The following MYBPC1 variants were observed in gnomAD, a reference collection of about 807,000 sequenced individuals.
The protein encoded by MYBPC1 is myosin binding protein C1.
A neutral mutation model predicts 147.1 loss-of-function variants in MYBPC1; 52 were observed. The observed-to-expected ratio is 0.35, with a 90% CI of 0.28 to 0.45. MYBPC1 has a LOEUF of 0.45. MYBPC1 is among the 20% of genes least tolerant of loss of function. MYBPC1 has a pLI of 1.00. For synonymous variants in MYBPC1, 477 were observed against 475.9 expected, an observed-to-expected ratio of 1.00 and a Z score of -0.03; for missense variants, 1,228 against 1,440.3, an observed-to-expected ratio of 0.85 and a Z score of 2.39.
rs777769308 is a variant in MYBPC1, at chr12:101,678,126, A to T, written c.3134A>T (p.Tyr1045Phe). 21 of 1,613,840 alleles carry T rather than the reference A, an allele frequency of 1.3e-5. No homozygotes were observed. The highest frequency in any genetic ancestry group is 1.8e-5 in the Non-Finnish European group (21 of 1,179,666). ...GGTAAAATCTACAAAAATCCAGTGT[A>T]TGAAGACTTTGATTTCTCAGAGGCA... ...RDGKIYKNPV[Y>F]EDFDFSEAPM... The change falls in exon 28 of 32, where the codon TAT becomes TTT. Residue 1045 changes from tyrosine to phenylalanine, a missense_variant. Physicochemically the swap from Tyr to Phe is conservative, Grantham distance 22. This residue lies in a region of MYBPC1 where 1,077 missense variants were observed against 1,314.2 expected (regional missense o/e 0.82). Transcript: ENST00000361466.
At chr12:101,596,715 G>A (rs1877389450) in intron 1 of MYBPC1, among the ~76,000 whole-genome samples, 1 of 152,194 alleles carries the variant, frequency 6.6e-6, no homozygotes, top group South Asian at 2.1e-4. Context: ...CTTTTATGGG[G>A]AATGAAATTA....
chr12:101,649,681 A>G (rs1442771908), intron 15 of MYBPC1, among the ~76,000 whole-genome samples: 1 of 152,226 alleles, frequency 6.6e-6, no homozygotes, highest in African/African-American at 2.4e-5. Flanking sequence ...TTATAATTCC[A>G]AGACCGTAAA....
intron 10 of MYBPC1, among the ~76,000 whole-genome samples, chr12:101,637,663 T>C (rs1891268089): frequency 6.6e-6 from 1 of 152,190 alleles, no homozygotes; most frequent in Non-Finnish European, 1.5e-5. Context: ...TTTAGTGCTT[T>C]CTATGGTTAT....
At chr12:101,689,079 T>C (rs891154556), downstream of MYBPC1, among the ~76,000 whole-genome samples, 1 of 152,136 alleles carries the variant, frequency 6.6e-6, no homozygotes, top group Non-Finnish European at 1.5e-5. Flanking sequence ...AAGAGAGCAC[T>C]ATAACAATGC....
chr12:101,642,435 G>C lies in MYBPC1; in HGVS notation c.682G>C (p.Glu228Gln). ...LLKRREVKQQ[E>Q]EEPQVDVWEL... is the part of the protein sequence containing the mutation. ...CCCGGTTAGGGAGGTGAAGCAGCAG[G>C]AGGAAGAACCCCAGGTGGACGTATG... Residue 228 changes from glutamate (E) to glutamine (Q), a missense_variant, in exon 11 of 32, where the codon GAG becomes CAG. Glu to Gln is a conservative substitution (Grantham distance 29, BLOSUM62 2). This residue lies in a region of MYBPC1 where 1,077 missense variants were observed against 1,314.2 expected (regional missense o/e 0.82). Coordinates refer to ENST00000361466, the MANE Select transcript of MYBPC1 (RefSeq NM_002465.4). 6.2e-7 allele frequency: 1 copy of C among 1,614,134 alleles called. No individual in the cohort carries two copies.
intron 9 of MYBPC1, 141 bp from the exon 10 acceptor site, chr12:101,636,531 G>C: frequency 2.8e-6 from 2 of 726,542 alleles, no homozygotes; most frequent in Non-Finnish European, 5.0e-6. Context: ...CATGTCACTT[G>C]TGTGAAAAGA....
In MYBPC1 at chr12:101,614,325, T is replaced by TGA. The variant is rs1024538361; in HGVS notation, c.26-150_26-149dup. On this transcript the variant is annotated intron_variant, in intron 1 of 31. Transcript: ENST00000361466. ...ATGCAGTAGGGTGTGTGTGTGTGTG[T>TGA]GAGAGAGAGAGAGAGAGAGAGAAGA... Among the ~76,000 whole-genome samples, 211 of 140,148 alleles carry TGA rather than the reference T, an allele frequency of 1.5e-3. 1 individual carries two copies. Among genetic ancestry groups the TGA allele is most frequent in the African/African-American group, 5.0e-3 (187 of 37,514 alleles). The allele number at this position is 140,148 out of a possible 152,430, so 91.9% of individuals were successfully genotyped here.
At chr12:101,692,659 C>A in the MYBPC1 span, among the ~76,000 whole-genome samples, 1 of 111,628 alleles carries the variant, frequency 9.0e-6, no homozygotes, top group Non-Finnish European at 2.2e-5. Context: ...TAAATGTGAG[C>A]TACTATGTTA....
chr12:101,659,600 A>G lies in MYBPC1; in HGVS notation c.1768-72A>G, dbSNP rs1896179141. 3.2e-6 allele frequency: 5 copies of G among 1,540,026 alleles called. No individual in the cohort carries two copies. The South Asian group carries it at 5.6e-5, about 17-fold the overall frequency. ...ACTCTATAGTCTGCTGAATTGCTCA[A>G]TTTATAGGAGACTCTGAAGTAGCCC... On this transcript the variant is annotated intron_variant, in intron 18 of 31. Coordinates refer to ENST00000361466, the MANE Select transcript of MYBPC1 (RefSeq NM_002465.4).
intron 30 of MYBPC1, 118 bp downstream of exon 30, chr12:101,682,780 C>T: frequency 3.2e-6 from 3 of 923,666 alleles, no homozygotes; most frequent in Non-Finnish European, 5.2e-6. Context: ...TACCCCTTAG[C>T]AGCTCATGGC....
intron 23 of MYBPC1, among the ~76,000 whole-genome samples, chr12:101,670,113 T>C (rs935772748): frequency 1.2e-4 from 16 of 130,892 alleles, no homozygotes; most frequent in Non-Finnish European, 2.4e-4. Context: ...AAAACATCTC[T>C]GTGTGGAAAC....
chr12:101,662,233 T>C (rs1429480163), intron 20 of MYBPC1, 125 bp from the exon 21 acceptor site: 7 of 753,370 alleles, frequency 9.3e-6, no homozygotes, highest in Non-Finnish European at 1.1e-5. Flanking sequence ...AATATTTACA[T>C]ACATATATGA....
chr12:101,652,525 CCTCT>C (rs72257829), intron 16 of MYBPC1, among the ~76,000 whole-genome samples, 149 bp from the exon 17 acceptor site: 4,007 of 149,442 alleles, frequency 0.027, 253 homozygotes, highest in East Asian at 0.25. Context: ...GGCTTCTCAT[CCTCT>C]CTCTCTCTCT....
chr12:101,628,651 T>C (rs1186308944), intron 5 of MYBPC1, among the ~76,000 whole-genome samples: 1 of 152,172 alleles, frequency 6.6e-6, no homozygotes, highest in African/African-American at 2.4e-5. Context: ...ACAGGGGAAA[T>C]ATCTACAGTT....
intron 1 of MYBPC1, among the ~76,000 whole-genome samples, chr12:101,606,269 A>G (rs568753944): frequency 2.2e-4 from 33 of 152,072 alleles, no homozygotes; most frequent in Non-Finnish European, 3.4e-4. Context: ...AGCTGTCAGA[A>G]CATTGATATC....
In MYBPC1 at chr12:101,668,526, A is replaced by T. The variant is rs980919282; in HGVS notation, c.2524+627A>T. Among the ~76,000 whole-genome samples the T allele has an allele frequency of 2.6e-5, 4 of 152,080 alleles. No individual in the cohort carries two copies. The East Asian group carries it at 7.8e-4, about 30-fold the overall frequency. On this transcript the variant is annotated intron_variant, in intron 23 of 31. Transcript: ENST00000361466. The stretch of plus-strand genomic sequence containing the variant: ...GCCCAGGCTGGAGTGCAATGGCACA[A>T]TCTTGGCCACTGCAACCTCTGCCTC...
intron 24 of MYBPC1, among the ~76,000 whole-genome samples, chr12:101,673,137 T>C (rs1566001419): frequency 6.6e-6 from 1 of 152,196 alleles, no homozygotes; most frequent in Non-Finnish European, 1.5e-5. Flanking sequence ...CTTACCTAAC[T>C]GCAGGACCTT....
intron 19 of MYBPC1, 173 bp downstream of exon 19, chr12:101,660,004 A>C: frequency 1.2e-6 from 1 of 827,384 alleles, no homozygotes; most frequent in Middle Eastern, 3.2e-4. Flanking sequence ...AAGGTCAGCC[A>C]TTTGGGGTTG....
chr12:101,632,526 C>T (rs531791329), intron 8 of MYBPC1, among the ~76,000 whole-genome samples: 11 of 152,230 alleles, frequency 7.2e-5, no homozygotes, highest in East Asian at 5.8e-4. Context: ...TCTCTTATAA[C>T]GACTAATGTC....
Sources: gnomAD v4.1 joint callset for allele counts (sites outside exome capture counted in the v4.1 genomes callset) on GRCh38, gnomAD v4.1.1 for gene constraint, gnomAD v4.1.1 regional missense constraint, MANE v1.5 for transcripts, NCBI Gene and HGNC (gene_info 2026-07-23, HGNC 2026-07-21) for gene names.